The following EYS variants were observed in gnomAD, a reference collection of about 807,000 sequenced individuals.
The protein encoded by EYS is EGF-like photoreceptor maintenance factor.
Under a neutral mutation model 282.1 loss-of-function variants are expected in EYS, and 250 were observed. The ratio of observed to expected loss-of-function variants is 0.89; its 90% CI spans 0.80 to 0.98. The LOEUF is 0.98. Among genes scored for constraint, EYS ranks in the 50% least tolerant of loss-of-function variants. The pLI is 0.00. For missense variants in EYS, 4,016 were observed against 3,709.0 expected (o/e 1.08, Z -2.15); for synonymous variants, 1,355 against 1,282.9 (o/e 1.06, Z -1.20).
Position 64,590,266 on chromosome 6 carries a change from A to T in EYS, c.5601T>A (p.Ser1867=), listed in dbSNP as rs182322608. ...HLPFTRSLTL[S]SLESILAPQR... is the part of the protein sequence containing the mutation. ...GAGGTGCCAGAATGGATTCCAGTGAAGACAAAGTAAGAGATCTAGTGAAGG... is the reference window on the plus strand; with the variant it reads ...GAGGTGCCAGAATGGATTCCAGTGATGACAAAGTAAGAGATCTAGTGAAGG... Residue 1867 remains serine (S), a synonymous_variant, in exon 26 of 43, where the codon TCT becomes TCA. Transcript: ENST00000503581. 3.2e-6 allele frequency: 5 copies of T among 1,550,698 alleles called. No homozygotes were observed. In the African/African-American group the frequency reaches 5.5e-5, roughly 17 times the overall value.
chr6:64,902,666 C>T (rs184640433), intron 16 of EYS, among the ~76,000 whole-genome samples, 166 bp from the exon 17 acceptor site: 212 of 152,150 alleles, frequency 1.4e-3, no homozygotes, highest in African/African-American at 4.9e-3. Context: ...ATAATGTGTG[C>T]ATAAAAACAT....
intron 2 of EYS, among the ~76,000 whole-genome samples, chr6:65,610,336 C>G (rs1765952141): frequency 6.6e-6 from 1 of 151,958 alleles, no homozygotes; most frequent in Non-Finnish European, 1.5e-5. Flanking sequence ...TGCATGACCT[C>G]AAACTCATAG....
chr6:64,898,515 C>T lies in EYS; in HGVS notation c.2846+3598G>A, dbSNP rs150608665. ...GCCAAAACAAGCCAAAATGTAAAGA[C>T]CATTGACACTACGAAGAAACTGCAT... is the stretch of plus-strand genomic sequence containing the variant. On this transcript the variant is annotated intron_variant, in intron 18 of 42. Transcript: ENST00000503581. Among the ~76,000 whole-genome samples, 49 of 152,028 alleles carry T rather than the reference C, an allele frequency of 3.2e-4. No individual in the cohort carries two copies. In the East Asian group the frequency reaches 8.7e-3, roughly 27 times the overall value.
At chr6:65,126,531 A>G (rs1175289355) in intron 12 of EYS, among the ~76,000 whole-genome samples, 1 of 152,168 alleles carries the variant, frequency 6.6e-6, no homozygotes, top group Non-Finnish European at 1.5e-5. Flanking sequence ...CACCTGCCTG[A>G]CCACATCAGC....
At chr6:64,616,555 AT>A (rs1235462350) in intron 24 of EYS, among the ~76,000 whole-genome samples, 1 of 151,876 alleles carries the variant, frequency 6.6e-6, no homozygotes, top group African/African-American at 2.4e-5. Context: ...GTTATTGATT[AT>A]TTTTTTCTAT....
intron 22 of EYS, among the ~76,000 whole-genome samples, chr6:64,801,437 GGT>G (rs1774549802): frequency 6.6e-6 from 1 of 151,930 alleles, no homozygotes; most frequent in Non-Finnish European, 1.5e-5. Flanking sequence ...GATTATAAAA[GGT>G]GTGGAATGTT....
At chr6:64,052,606 G>T (rs1348343298) in intron 33 of EYS, among the ~76,000 whole-genome samples, 3 of 152,068 alleles carry the variant, frequency 2.0e-5, no homozygotes, top group African/African-American at 7.2e-5. Context: ...CAATTTTTAA[G>T]TAATAGAATG....
chr6:64,157,356 T>C (rs1323718888), intron 31 of EYS, among the ~76,000 whole-genome samples: 2 of 152,110 alleles, frequency 1.3e-5, no homozygotes, highest in Non-Finnish European at 2.9e-5. Context: ...TTCAGAAAAT[T>C]ATTGGCCTGA....
chr6:64,445,887 T>G (rs1244942137), intron 26 of EYS, among the ~76,000 whole-genome samples: 1 of 151,920 alleles, frequency 6.6e-6, no homozygotes, highest in African/African-American at 2.4e-5. Context: ...GGACCAGGGT[T>G]CATAATGGGC....
intron 14 of EYS, among the ~76,000 whole-genome samples, chr6:64,946,911 G>C (rs931657061): frequency 2.6e-5 from 4 of 151,806 alleles, no homozygotes; most frequent in Admixed American, 6.6e-5. Context: ...ATAGCTTTTT[G>C]TAGTGGCTAC....
At chr6:64,796,347 C>G (rs1215544208) in intron 22 of EYS, among the ~76,000 whole-genome samples, 2 of 152,050 alleles carry the variant, frequency 1.3e-5, no homozygotes, top group African/African-American at 4.8e-5. Context: ...AGGAGAGAAA[C>G]AGCTGACCAG....
intron 22 of EYS, among the ~76,000 whole-genome samples, chr6:64,779,677 T>A: frequency 6.6e-6 from 1 of 152,208 alleles, no homozygotes; most frequent in Non-Finnish European, 1.5e-5. Flanking sequence ...TTATCAATTA[T>A]AATGTGTCCC....
chr6:65,285,128 A>G (rs1768325394), intron 12 of EYS, among the ~76,000 whole-genome samples: 1 of 152,136 alleles, frequency 6.6e-6, no homozygotes, highest in East Asian at 1.9e-4. Flanking sequence ...CTTTTACAAA[A>G]TTGAGAAATA....
intron 12 of EYS, among the ~76,000 whole-genome samples, chr6:65,122,641 G>T (rs552484788): frequency 2.6e-5 from 4 of 151,954 alleles, no homozygotes; most frequent in South Asian, 2.1e-4. Context: ...GTCTTTTGAT[G>T]CCATAGTTTG....
chr6:65,326,460 T>C (rs1769624948), intron 11 of EYS, among the ~76,000 whole-genome samples: 3 of 151,428 alleles, frequency 2.0e-5, no homozygotes, highest in African/African-American at 7.3e-5. Flanking sequence ...TATGAGTCAG[T>C]GTCTCCCTCA....
At chr6:64,745,780 C>A (rs1452176642) in intron 22 of EYS, among the ~76,000 whole-genome samples, 1 of 152,094 alleles carries the variant, frequency 6.6e-6, no homozygotes, top group Admixed American at 6.6e-5. Flanking sequence ...AGCATTATAG[C>A]TTTTGTTTTG....
At chr6:65,051,035 TAAGAC>T (rs2150154398) in intron 13 of EYS, among the ~76,000 whole-genome samples, 1 of 151,754 alleles carries the variant, frequency 6.6e-6, no homozygotes, top group Admixed American at 6.6e-5. Flanking sequence ...CTCTAGCAGA[TAAGAC>T]ATTTGCTTTG....
At chr6:65,534,731 G>A (rs1057195593) in intron 2 of EYS, among the ~76,000 whole-genome samples, 1 of 152,040 alleles carries the variant, frequency 6.6e-6, no homozygotes, top group Admixed American at 6.6e-5. Flanking sequence ...GGGCACAACC[G>A]AAGCCTTCCC....
intron 1 of EYS, among the ~76,000 whole-genome samples, chr6:65,703,163 C>T (rs776914163): frequency 5.9e-5 from 9 of 152,078 alleles, no homozygotes; most frequent in Non-Finnish European, 1.3e-4. Context: ...GAACCAATTC[C>T]TTAAAGTGCC....
Sources: gnomAD v4.1 joint callset for allele counts (sites outside exome capture counted in the v4.1 genomes callset) on GRCh38, gnomAD v4.1.1 for gene constraint, MANE v1.5 for transcripts, NCBI Gene and HGNC (gene_info 2026-07-23, HGNC 2026-07-21) for gene names.